The following NRIP1 variants were observed in gnomAD, a reference collection of about 807,000 sequenced individuals.
The protein encoded by NRIP1 is nuclear receptor-interacting protein 1.
NRIP1 carries 28 observed loss-of-function variants against 75.0 expected under a neutral mutation model. The observed-to-expected ratio is 0.37, with a 90% CI of 0.28 to 0.51. The LOEUF is 0.51. Among genes scored for constraint, NRIP1 ranks in the 20% least tolerant of loss-of-function variants. The probability of loss-of-function intolerance (pLI) is 0.92; values close to 1 mark genes in which losing one functional copy is unlikely to be tolerated. For synonymous variants in NRIP1, 526 were observed against 487.6 expected, an observed-to-expected ratio of 1.08 and a Z score of -1.04; for missense variants, 1,435 against 1,343.7, an observed-to-expected ratio of 1.07 and a Z score of -1.06.
chr21:14,982,962 T>A (rs932468822), intron 3 of NRIP1, among the ~76,000 whole-genome samples: 2 of 152,106 alleles, frequency 1.3e-5, no homozygotes, highest in Non-Finnish European at 2.9e-5. Context: ...TTAATAAATA[T>A]GTATGTTCTG....
At position 14,963,430 on chromosome 21, in the gene NRIP1, T is replaced by A. The variant is rs1391087102; in HGVS notation, c.*1286A>T. Reference sequence around the variant, plus strand: ...GATGTTGAGCCAGATATGAAAGTTATCCCCTCCACCCAATTTTTGTCATAA... The same window carrying A: ...GATGTTGAGCCAGATATGAAAGTTAACCCCTCCACCCAATTTTTGTCATAA... On this transcript the variant is annotated 3_prime_UTR_variant, in exon 4 of 4. Coordinates refer to ENST00000318948, the MANE Select transcript of NRIP1 (RefSeq NM_003489.4). The A allele has an allele frequency of 6.6e-6, 1 of 152,466 alleles. No homozygotes were observed. Among genetic ancestry groups the A allele is most frequent in the African/African-American group, 2.4e-5 (1 of 41,410 alleles). 9.4% of individuals were successfully genotyped at this position (152,466 alleles called of 1,614,324 possible). A position where few individuals can be genotyped will look rare whatever the true frequency, so the allele number is the denominator to read the frequency against.
chr21:15,022,869 A>T (rs569299592), intron 2 of NRIP1, among the ~76,000 whole-genome samples: 6 of 152,372 alleles, frequency 3.9e-5, no homozygotes, highest in African/African-American at 1.4e-4. Flanking sequence ...AAATGTGATA[A>T]ATCCATACAG....
chr21:15,006,943 G>A (rs2147140993), intron 3 of NRIP1, among the ~76,000 whole-genome samples: 1 of 152,306 alleles, frequency 6.6e-6, no homozygotes, highest in Non-Finnish European at 1.5e-5. Context: ...ACACATGCAG[G>A]TGGTAGTCAG....
rs2086608558 is a variant in NRIP1 at position 14,962,096 on chromosome 21, C to T, written c.*2620G>A. 6.7e-6 allele frequency: 1 copy of T among 148,688 alleles called. No homozygotes were observed. The highest frequency in any genetic ancestry group is 2.5e-5 in the African/African-American group (1 of 40,704). 9.2% of individuals were successfully genotyped at this position (148,688 alleles called of 1,614,324 possible). On this transcript the variant is annotated 3_prime_UTR_variant, in exon 4 of 4. Transcript: ENST00000318948. Reference sequence around the variant, plus strand: ...TCTGTAAGATGCAGCAGAGAATAAACAGGTAATGAATGCTACCTTACTGAT... The same window carrying T: ...TCTGTAAGATGCAGCAGAGAATAAATAGGTAATGAATGCTACCTTACTGAT...
intron 2 of NRIP1, among the ~76,000 whole-genome samples, chr21:15,026,696 C>G (rs1255690956): frequency 1.3e-5 from 2 of 151,928 alleles, no homozygotes; most frequent in African/African-American, 4.8e-5. Context: ...CAATAACAAA[C>G]AAACGAAAGG....
chr21:14,972,796 T>C (rs2086937919), intron 3 of NRIP1, among the ~76,000 whole-genome samples: 1 of 152,148 alleles, frequency 6.6e-6, no homozygotes, highest in African/African-American at 2.4e-5. Flanking sequence ...TTATAAACAG[T>C]GGGGAACCTA....
Position 14,965,842 on chromosome 21 carries a change from A to G in NRIP1, c.2351T>C (p.Met784Thr). ...TGCGCTTCTCTGCACAGCAGGAGCC[A>G]TACCCAAGAATGGGGCACTCTTAGC... ...HDAKSAPFLGMAPAVQRSAPA... is the reference protein window; with the variant it reads ...HDAKSAPFLGTAPAVQRSAPA... The change falls in exon 4 of 4, where the codon ATG becomes ACG. Residue 784 changes from methionine to threonine, a missense_variant. Met to Thr is a moderately conservative substitution (Grantham distance 81, BLOSUM62 -1). Transcript: ENST00000318948. 3.7e-6 allele frequency: 6 copies of G among 1,614,074 alleles called. No homozygotes were observed. Among genetic ancestry groups the G allele is most frequent in the Non-Finnish European group, 5.1e-6 (6 of 1,179,970 alleles).
intron 3 of NRIP1, among the ~76,000 whole-genome samples, chr21:14,968,882 A>G (rs1365503844): frequency 3.9e-5 from 6 of 152,208 alleles, no homozygotes; most frequent in Non-Finnish European, 7.3e-5. Flanking sequence ...ATAGCTTTAT[A>G]GCTCTACAGG....
rs1433789370 is a variant in NRIP1 at position 15,017,321 on chromosome 21, TAGC to T, written c.-457-2858_-457-2856del. On this transcript the variant is annotated intron_variant, in intron 2 of 3. Transcript: ENST00000318948. ...GATCCTCCCGACTCAACCTCCCAAG[TAGC>T]TGGAACTGCAGGTGTGCACCACGGT... Among the ~76,000 whole-genome samples, 4 of 152,122 alleles carry T rather than the reference TAGC, an allele frequency of 2.6e-5. No individual in the cohort carries two copies. In the East Asian group the frequency reaches 5.8e-4, roughly 22 times the overall value.
chr21:14,981,020 A>C (rs1428273667), intron 3 of NRIP1, among the ~76,000 whole-genome samples: 1 of 152,218 alleles, frequency 6.6e-6, no homozygotes, highest in African/African-American at 2.4e-5. Flanking sequence ...TGGAAGAGAA[A>C]TATCACTACA....
At chr21:15,024,467 A>G (rs1381998671) in intron 2 of NRIP1, among the ~76,000 whole-genome samples, 4 of 152,058 alleles carry the variant, frequency 2.6e-5, no homozygotes, top group Admixed American at 6.5e-5. Context: ...GCTTGAACCC[A>G]GGAGGCGGAG....
rs2086806160 is a variant in NRIP1, at chr21:14,968,028, GCCAGAAATGTTAAAGT to G, written c.149_164del (p.Asn50ThrfsTer52). 1 of 1,614,018 alleles carries G rather than the reference GCCAGAAATGTTAAAGT, an allele frequency of 6.2e-7. No individual in the cohort carries two copies. Among genetic ancestry groups the G allele is most frequent in the Non-Finnish European group, 8.5e-7 (1 of 1,179,996 alleles). On this transcript the variant is annotated frameshift_variant, in exon 4 of 4. Coordinates refer to ENST00000318948, the MANE Select transcript of NRIP1 (RefSeq NM_003489.4). LOFTEE classifies it high-confidence loss of function. ...TACTTTGACAGGTGGGAAATGCACT[GCCAGAAATGTTAAAGT>G]TCTGATCCTCTTCATTATGCCCAGC...
At chr21:14,978,461 G>T (rs1280253481) in intron 3 of NRIP1, among the ~76,000 whole-genome samples, 1 of 152,106 alleles carries the variant, frequency 6.6e-6, no homozygotes, top group Admixed American at 6.6e-5. Flanking sequence ...TTCTTCTGTA[G>T]GGTCACAGAA....
intron 1 of NRIP1, among the ~76,000 whole-genome samples, chr21:15,057,103 T>G (rs1038283286): frequency 1.8e-4 from 27 of 152,164 alleles, no homozygotes; most frequent in Admixed American, 1.8e-3. Flanking sequence ...TCTTTGCATT[T>G]CAGAGAGCAG....
intron 2 of NRIP1, among the ~76,000 whole-genome samples, chr21:15,020,635 T>C (rs999708947): frequency 9.9e-5 from 15 of 152,120 alleles, no homozygotes; most frequent in Admixed American, 3.3e-4. Context: ...AGAAAATATA[T>C]GCAAATCATA....
intron 1 of NRIP1, among the ~76,000 whole-genome samples, chr21:15,053,248 ATGTGTTTGTGTTGTTAGAATGATGCC>A (rs2089239902): frequency 1.3e-5 from 2 of 152,344 alleles, no homozygotes; most frequent in East Asian, 3.9e-4. Flanking sequence ...TTCACAGTGA[ATGTGTTTGTGTTGTTAGAATGATGCC>A]TGCAAAGGAA....
intron 2 of NRIP1, among the ~76,000 whole-genome samples, chr21:15,040,080 G>A (rs2088920184): frequency 6.6e-6 from 1 of 152,000 alleles, no homozygotes. Context: ...CTATAGCTGT[G>A]CTGTCTAATA....
At chr21:15,034,338 G>T (rs888175811) in intron 2 of NRIP1, among the ~76,000 whole-genome samples, 2 of 152,082 alleles carry the variant, frequency 1.3e-5, no homozygotes, top group African/African-American at 4.8e-5. Flanking sequence ...TTCCATATGT[G>T]GTGAGTCACT....
At chr21:15,015,021 G>T (rs1016493335) in intron 2 of NRIP1, among the ~76,000 whole-genome samples, 79 of 152,176 alleles carry the variant, frequency 5.2e-4, no homozygotes, top group African/African-American at 1.8e-3. Flanking sequence ...CAACTGAAAT[G>T]CCCATCAATA....
Sources: gnomAD v4.1 joint callset for allele counts (sites outside exome capture counted in the v4.1 genomes callset) on GRCh38, gnomAD v4.1.1 for gene constraint, MANE v1.5 for transcripts, NCBI Gene and HGNC (gene_info 2026-07-23, HGNC 2026-07-21) for gene names.